The following IGF1R variants were observed in gnomAD, a reference collection of about 807,000 sequenced individuals.
The protein encoded by IGF1R is insulin like growth factor 1 receptor.
In IGF1R, 44 loss-of-function variants were observed where a neutral mutation model predicts 144.6. The ratio of observed to expected loss-of-function variants is 0.30; its 90% CI spans 0.24 to 0.39. The LOEUF is 0.39. Among genes scored for constraint, IGF1R ranks in the 10% least tolerant of loss-of-function variants. The pLI, the probability that IGF1R is intolerant of heterozygous loss-of-function variation, is 1.00. For synonymous variants in IGF1R, 795 were observed against 722.8 expected, an observed-to-expected ratio of 1.10 and a Z score of -1.60; for missense variants, 1,355 against 1,833.7, an observed-to-expected ratio of 0.74 and a Z score of 4.77.
intron 2 of IGF1R, among the ~76,000 whole-genome samples, chr15:98,876,338 G>A (rs1394279637): frequency 1.3e-4 from 19 of 150,546 alleles, no homozygotes; most frequent in African/African-American, 4.6e-4. Flanking sequence ...GAGAGAGAGA[G>A]TCTTGAACTT....
At chr15:98,910,952 CCTT>C (rs1227460570) in intron 6 of IGF1R, among the ~76,000 whole-genome samples, 2 of 152,242 alleles carry the variant, frequency 1.3e-5, no homozygotes, top group African/African-American at 4.8e-5. Context: ...TAAAGGCTCA[CCTT>C]CACCCTACCA....
chr15:98,676,641 T>G (rs1304854087), intron 1 of IGF1R, among the ~76,000 whole-genome samples: 1 of 152,238 alleles, frequency 6.6e-6, no homozygotes, highest in Non-Finnish European at 1.5e-5. Flanking sequence ...TTGCAATTCT[T>G]CTCCGCTACT....
chr15:98,858,212 G>A (rs192288999), intron 2 of IGF1R, among the ~76,000 whole-genome samples: 320 of 152,302 alleles, frequency 2.1e-3, no homozygotes, highest in Non-Finnish European at 3.6e-3. Context: ...AAACAAAATT[G>A]AAACACTCAT....
intron 2 of IGF1R, among the ~76,000 whole-genome samples, chr15:98,745,446 G>A (rs974448263): frequency 2.6e-5 from 4 of 152,220 alleles, no homozygotes; most frequent in Non-Finnish European, 4.4e-5. Flanking sequence ...CCAGTCAGGA[G>A]CTCCTAAGTG....
At position 98,705,583 on chromosome 15, in the gene IGF1R, T is replaced by C. The variant is rs28410001; in HGVS notation, c.95-1979T>C. ...GGTAAAACAGAAGAATTAGATGATA[T>C]GAAGTTTCACATTCTAAGTTCTCAA... is the stretch of plus-strand genomic sequence containing the variant. On this transcript the variant is annotated intron_variant, in intron 1 of 20. Transcript: ENST00000650285. 9.6e-3 allele frequency among the ~76,000 whole-genome samples: 1,461 copies of C among 152,326 alleles called. 25 individuals are homozygous for C. Among genetic ancestry groups the C allele is most frequent in the African/African-American group, 0.033 (1,364 of 41,574 alleles).
intron 18 of IGF1R, 36 bp downstream of exon 18, chr15:98,939,396 A>G: frequency 6.2e-7 from 1 of 1,610,198 alleles, no homozygotes; most frequent in South Asian, 1.1e-5. Context: ...GGCAAGAACT[A>G]AACTCAGGTG....
At chr15:98,783,566 T>G (rs946979166) in intron 2 of IGF1R, among the ~76,000 whole-genome samples, 1 of 152,208 alleles carries the variant, frequency 6.6e-6, no homozygotes, top group African/African-American at 2.4e-5. Context: ...CTCCATTTAT[T>G]TAGTTTTTCT....
chr15:98,655,954 G>C (rs1596145967), intron 1 of IGF1R, among the ~76,000 whole-genome samples: 1 of 152,300 alleles, frequency 6.6e-6, no homozygotes, highest in Non-Finnish European at 1.5e-5. Flanking sequence ...CGGCCTCCCG[G>C]AGGGCTGGGA....
At chr15:98,773,884 G>C (rs1390403170) in intron 2 of IGF1R, among the ~76,000 whole-genome samples, 1 of 152,204 alleles carries the variant, frequency 6.6e-6, no homozygotes, top group African/African-American at 2.4e-5. Flanking sequence ...ATTGTGGGGT[G>C]AGAGACAGGA....
At chr15:98,722,470 G>C (rs1302731555) in intron 2 of IGF1R, among the ~76,000 whole-genome samples, 2 of 152,224 alleles carry the variant, frequency 1.3e-5, no homozygotes, top group Non-Finnish European at 2.9e-5. Context: ...GGAATGTGGA[G>C]TATACTATTT....
chr15:98,923,406 G>C (rs377283302), intron 11 of IGF1R, among the ~76,000 whole-genome samples: 1 of 152,266 alleles, frequency 6.6e-6, no homozygotes. Context: ...GCGGGCCACG[G>C]AGGGTCCCTG....
intron 2 of IGF1R, among the ~76,000 whole-genome samples, chr15:98,722,114 G>A (rs1410797238): frequency 1.3e-5 from 2 of 152,080 alleles, no homozygotes; most frequent in Admixed American, 6.5e-5. Flanking sequence ...AGGTGCCCCC[G>A]TTTTGTGCAA....
chr15:98,897,585 G>A (rs1344014288), intron 4 of IGF1R: 1 of 152,642 alleles, frequency 6.6e-6, no homozygotes, highest in South Asian at 2.1e-4. Flanking sequence ...TTGTTTTTTG[G>A]TTTTGTTTTG....
chr15:98,934,105 A>G (rs972655932), intron 15 of IGF1R, among the ~76,000 whole-genome samples: 1 of 146,418 alleles, frequency 6.8e-6, no homozygotes, highest in Non-Finnish European at 1.5e-5. Flanking sequence ...AAAGTTACCT[A>G]AATATTTCAC....
intron 3 of IGF1R, among the ~76,000 whole-genome samples, chr15:98,892,126 G>A (rs990281272): frequency 6.6e-6 from 1 of 152,188 alleles, no homozygotes; most frequent in African/African-American, 2.4e-5. Flanking sequence ...AGAGTAGGCA[G>A]TAGCTTAAAA....
chr15:98,896,147 A>G lies in IGF1R; in HGVS notation c.954-610A>G, dbSNP rs942721549. On this transcript the variant is annotated intron_variant, in intron 3 of 20. Coordinates refer to ENST00000650285, the MANE Select transcript of IGF1R (RefSeq NM_000875.5). ...ATGCAGCAAAAGCAACATTTGGATC[A>G]ATTTACAAGTTTCTGCAAAACACCG... Among the ~76,000 whole-genome samples the G allele has an allele frequency of 2.6e-5, 4 of 152,306 alleles. No individual in the cohort carries two copies. The East Asian group carries it at 7.7e-4, about 29-fold the overall frequency.
At chr15:98,717,691 G>T (rs571012018) in intron 2 of IGF1R, among the ~76,000 whole-genome samples, 5 of 152,230 alleles carry the variant, frequency 3.3e-5, no homozygotes, top group African/African-American at 1.2e-4. Context: ...TGCAAGTTTG[G>T]TATTTGGGAG....
chr15:98,687,289 C>T (rs866912964), intron 1 of IGF1R, among the ~76,000 whole-genome samples: 8 of 152,062 alleles, frequency 5.3e-5, no homozygotes, highest in Non-Finnish European at 1.0e-4. Context: ...GGTCCTGTGG[C>T]GGTGAAGGGG....
chr15:98,871,040 G>A lies in IGF1R; in HGVS notation c.641-20285G>A, dbSNP rs138901162. The stretch of plus-strand genomic sequence containing the variant: ...CCATGCCCAGGAGCTGGCCCAGGGC[G>A]CGCATGCACAAAGCCAGTGCTCTTT... On this transcript the variant is annotated intron_variant, in intron 2 of 20. Coordinates refer to ENST00000650285, the MANE Select transcript of IGF1R (RefSeq NM_000875.5). Among the ~76,000 whole-genome samples the A allele has an allele frequency of 3.7e-3, 560 of 152,334 alleles. 3 individuals carry two copies. Among genetic ancestry groups the A allele is most frequent in the African/African-American group, 0.013 (527 of 41,586 alleles).
Sources: allele counts gnomAD v4.1 joint callset (sites outside exome capture counted in the v4.1 genomes callset), GRCh38; gene constraint gnomAD v4.1.1; transcripts MANE v1.5; gene names NCBI Gene and HGNC (gene_info 2026-07-23, HGNC 2026-07-21).